The following IFT74 variants were observed in gnomAD, a reference collection of about 807,000 sequenced individuals.
The protein encoded by IFT74 is intraflagellar transport 74.
IFT74 carries 92 observed loss-of-function variants against 96.7 expected under a neutral mutation model. The ratio of observed to expected loss-of-function variants is 0.95; its 90% CI spans 0.80 to 1.13. The LOEUF is 1.13. Ranked by LOEUF, IFT74 falls within the 50% of genes most tolerant of loss-of-function variation. IFT74 has a pLI of 0.00. For missense variants in IFT74, 811 were observed against 698.2 expected, an observed-to-expected ratio of 1.16 and a Z score of -1.82; for synonymous variants, 223 against 213.2, an observed-to-expected ratio of 1.05 and a Z score of -0.40.
chr9:27,002,937 T>A (rs1275573229), intron 8 of IFT74, among the ~76,000 whole-genome samples: 2 of 152,208 alleles, frequency 1.3e-5, no homozygotes, highest in African/African-American at 2.4e-5. Flanking sequence ...TATTTCCATT[T>A]TTTTTTGTAT....
At chr9:27,057,605 C>A (rs910817859) in intron 18 of IFT74, among the ~76,000 whole-genome samples, 31 of 152,216 alleles carry the variant, frequency 2.0e-4, no homozygotes, top group African/African-American at 7.0e-4. Context: ...CGCCTGTAAT[C>A]CCAGCACTTT....
At chr9:27,054,810 T>C (rs1820088417) in intron 16 of IFT74, among the ~76,000 whole-genome samples, 2 of 152,338 alleles carry the variant, frequency 1.3e-5, no homozygotes, top group Non-Finnish European at 2.9e-5. Context: ...GCAGTATATT[T>C]AGTGGCATGT....
chr9:26,989,197 C>A (rs1238279114), intron 7 of IFT74, among the ~76,000 whole-genome samples: 1 of 151,974 alleles, frequency 6.6e-6, no homozygotes. Flanking sequence ...GGACATAACA[C>A]TGGGGACTCC....
chr9:27,006,831 G>GTT (rs35534656), intron 8 of IFT74, among the ~76,000 whole-genome samples: 1,199 of 64,408 alleles, frequency 0.019, 1 homozygote, highest in East Asian at 0.03. Context: ...ATTATTGTGT[G>GTT]TTTTTTTTTT....
intron 8 of IFT74, chr9:26,995,504 G>T: frequency 6.8e-7 from 1 of 1,464,224 alleles, no homozygotes; most frequent in Non-Finnish European, 9.2e-7. Flanking sequence ...GCTTTAAAAA[G>T]CAAACTTTGA....
intron 13 of IFT74, 147 bp from the exon 14 acceptor site, chr9:27,044,595 A>AT (rs763577947): frequency 2.8e-4 from 154 of 555,588 alleles, no homozygotes; most frequent in Non-Finnish European, 4.4e-4. Context: ...AAAAGTCTCT[A>AT]TAAGTCATTG....
chr9:27,028,866 C>T, intron 12 of IFT74, 159 bp from the exon 13 acceptor site: 1 of 571,626 alleles, frequency 1.7e-6, no homozygotes, highest in South Asian at 3.1e-5. Context: ...TAAAAGATAT[C>T]CTAATGTCAT....
intron 8 of IFT74, among the ~76,000 whole-genome samples, chr9:27,001,194 T>G (rs551154907): frequency 2.7e-4 from 41 of 152,316 alleles, no homozygotes; most frequent in Non-Finnish European, 5.3e-4. Flanking sequence ...TTTTTTTTAA[T>G]CCATTCATCT....
chr9:27,042,076 G>C (rs1292695878), intron 13 of IFT74, among the ~76,000 whole-genome samples: 1 of 152,132 alleles, frequency 6.6e-6, no homozygotes, highest in Non-Finnish European at 1.5e-5. Flanking sequence ...GGATGGTAAG[G>C]ACAGCCAAAT....
chr9:27,006,088 C>T (rs1828762289), intron 8 of IFT74, among the ~76,000 whole-genome samples: 1 of 152,170 alleles, frequency 6.6e-6, no homozygotes, highest in South Asian at 2.1e-4. Context: ...AGGTGATACC[C>T]CTGCCTCAGC....
chr9:26,977,190 C>G (rs961678711), intron 2 of IFT74, among the ~76,000 whole-genome samples: 26 of 152,082 alleles, frequency 1.7e-4, no homozygotes, highest in African/African-American at 6.0e-4. Flanking sequence ...GTTCTCCAGG[C>G]TGGCCTCGAA....
At chr9:27,046,702 A>C (rs763208470) in intron 14 of IFT74, among the ~76,000 whole-genome samples, 1 of 152,200 alleles carries the variant, frequency 6.6e-6, no homozygotes, top group Non-Finnish European at 1.5e-5. Flanking sequence ...GATCTTTATA[A>C]AAGCAAATTT....
intron 2 of IFT74, among the ~76,000 whole-genome samples, chr9:26,968,589 G>C (rs1017927231): frequency 6.6e-6 from 1 of 152,082 alleles, no homozygotes; most frequent in African/African-American, 2.4e-5. Flanking sequence ...CTTGGATCTC[G>C]TTATTGTTAT....
chr9:27,005,703 A>T (rs1316192384), intron 8 of IFT74: 1 of 151,968 alleles, frequency 6.6e-6, no homozygotes, highest in Non-Finnish European at 1.5e-5. Context: ...TAACCTTTGT[A>T]CCCAGTGAAC....
chr9:26,997,727 C>T (rs779347423), intron 8 of IFT74: 2 of 1,588,216 alleles, frequency 1.3e-6, no homozygotes, highest in South Asian at 2.3e-5. Flanking sequence ...TGATAGCTTA[C>T]CTAATGTCAC....
At chr9:26,986,175 G>T (rs1224504760) in intron 6 of IFT74, among the ~76,000 whole-genome samples, 1 of 152,100 alleles carries the variant, frequency 6.6e-6, no homozygotes, top group Non-Finnish European at 1.5e-5. Flanking sequence ...TATCATAATG[G>T]TTAGGATAAG....
At chr9:26,971,081 A>G (rs940490727) in intron 2 of IFT74, among the ~76,000 whole-genome samples, 8 of 152,230 alleles carry the variant, frequency 5.3e-5, no homozygotes, top group Non-Finnish European at 7.3e-5. Context: ...AAACCTGGGT[A>G]TGATGTTTTC....
chr9:26,960,088 A>G (rs547396267), intron 1 of IFT74, among the ~76,000 whole-genome samples: 94 of 152,270 alleles, frequency 6.2e-4, no homozygotes, highest in African/African-American at 2.2e-3. Flanking sequence ...GACTTCTTGA[A>G]TGGGGACTCC....
chr9:27,012,715 T>G (rs984108192), intron 10 of IFT74, among the ~76,000 whole-genome samples: 1 of 135,580 alleles, frequency 7.4e-6, no homozygotes, highest in Non-Finnish European at 1.6e-5. Flanking sequence ...TCTGTTTTTT[T>G]TTTTTTTTTT....
Sources: allele counts gnomAD v4.1 joint callset (sites outside exome capture counted in the v4.1 genomes callset), GRCh38; gene constraint gnomAD v4.1.1; transcripts MANE v1.5; gene names NCBI Gene and HGNC (gene_info 2026-07-23, HGNC 2026-07-21).